The following POLR2H variants were observed in gnomAD, a reference collection of about 807,000 sequenced individuals.
POLR2H encodes the protein DNA-directed RNA polymerases I, II, and III subunit RPABC3.
POLR2H carries 3 observed loss-of-function variants against 18.1 expected under a neutral mutation model. The observed-to-expected ratio is 0.17, with a 90% CI of 0.08 to 0.43. The LOEUF (loss-of-function observed/expected upper bound fraction) is 0.43. Among genes scored for constraint, POLR2H ranks in the 20% least tolerant of loss-of-function variants. POLR2H has a pLI of 0.99. For synonymous variants in POLR2H, 76 were observed against 69.0 expected, an observed-to-expected ratio of 1.10 and a Z score of -0.50; for missense variants, 103 against 184.6, an observed-to-expected ratio of 0.56 and a Z score of 2.56.
rs771715078 is a variant in POLR2H at position 184,363,259 on chromosome 3, G to T, written c.-234G>T. Reference sequence around the variant, plus strand: ...GGACATGAGACCCGCCCTCAATGCCGAAGCCTCTCGGAAGCAATCTTTCGG... The same window carrying T: ...GGACATGAGACCCGCCCTCAATGCCTAAGCCTCTCGGAAGCAATCTTTCGG... On this transcript the variant is annotated 5_prime_UTR_variant, in exon 2 of 6. An upstream open reading frame in the 5' UTR gains an earlier in-frame stop. Transcript: ENST00000456318. The T allele has an allele frequency of 1.0e-5, 6 of 582,008 alleles. No homozygotes were observed. Among genetic ancestry groups the T allele is most frequent in the Non-Finnish European group, 1.9e-5 (6 of 321,186 alleles). The allele number at this position is 582,008 out of a possible 1,614,324, so 36.1% of individuals were successfully genotyped here. A position where few individuals can be genotyped will look rare whatever the true frequency, so the allele number is the denominator to read the frequency against.
chr3:184,368,138 C>T, intron 5 of POLR2H, 39 bp from the exon 6 acceptor site: 1 of 1,613,732 alleles, frequency 6.2e-7, no homozygotes, highest in Non-Finnish European at 8.5e-7. Context: ...TGCTGAGTGG[C>T]AGTGCTCCAG....
chr3:184,363,766 C>T (rs1016180790), intron 2 of POLR2H, among the ~76,000 whole-genome samples: 2 of 152,210 alleles, frequency 1.3e-5, no homozygotes, highest in African/African-American at 2.4e-5. Context: ...TGCCCGGTGC[C>T]TGGGTGGCCT....
chr3:184,364,289 G>A (rs940437796), intron 2 of POLR2H, among the ~76,000 whole-genome samples: 1 of 151,774 alleles, frequency 6.6e-6, no homozygotes, highest in Non-Finnish European at 1.5e-5. Context: ...GAGTGTAGTG[G>A]CACGATTTTA....
chr3:184,365,455 G>A (rs1713066683), intron 4 of POLR2H: 1 of 552,300 alleles, frequency 1.8e-6, no homozygotes, highest in African/African-American at 1.9e-5. Context: ...GAGTCCAGGA[G>A]TTCAAGACCA....
chr3:184,363,602 G>A, intron 2 of POLR2H, 37 bp downstream of exon 2: 1 of 1,555,806 alleles, frequency 6.4e-7, no homozygotes, highest in Non-Finnish European at 8.9e-7. Context: ...GGAGGAAGAG[G>A]CTAACCTCGC....
chr3:184,367,780 G>A (rs1035195326), intron 5 of POLR2H, among the ~76,000 whole-genome samples: 2 of 152,044 alleles, frequency 1.3e-5, no homozygotes, highest in Non-Finnish European at 2.9e-5. Context: ...GTGAGCCACC[G>A]TGCCCGGCCG....
intron 4 of POLR2H, 103 bp downstream of exon 4, chr3:184,365,329 G>A (rs1462589521): frequency 1.2e-6 from 1 of 834,216 alleles, no homozygotes; most frequent in Admixed American, 1.8e-5. Context: ...ATGATGATCA[G>A]CAGAATCTGA....
At position 184,363,224 on chromosome 3, in the gene POLR2H, A is replaced by C; in HGVS notation, c.-269A>C. The C allele has an allele frequency of 1.9e-6, 1 of 527,984 alleles. No homozygotes were observed. The highest frequency in any genetic ancestry group is 3.4e-6 in the Non-Finnish European group (1 of 290,024). The allele number at this position is 527,984 out of a possible 1,614,324, so 32.7% of individuals were successfully genotyped here. On this transcript the variant is annotated 5_prime_UTR_variant, in exon 2 of 6. Coordinates refer to ENST00000456318, the MANE Select transcript of POLR2H (RefSeq NM_006232.5). ...AGCCTATTGCTTCCCCGCCCTGGGCAGAGCCACCTGGACATGAGACCCGCC... is the reference window on the plus strand; with the variant it reads ...AGCCTATTGCTTCCCCGCCCTGGGCCGAGCCACCTGGACATGAGACCCGCC...
rs367717433 is a variant in POLR2H, at chr3:184,363,181, C to G, written c.-312C>G. On this transcript the variant is annotated 5_prime_UTR_variant, in exon 2 of 6. Transcript: ENST00000456318. The stretch of plus-strand genomic sequence containing the variant: ...AGGGCGCAGTAGGGCCCCAGCGGAG[C>G]GCGAGAACCCGCTCTACAGCCTATT... 1 of 430,628 alleles carries G rather than the reference C, an allele frequency of 2.3e-6. No individual in the cohort carries two copies. The allele number at this position is 430,628 out of a possible 1,614,324, so 26.7% of individuals were successfully genotyped here.
At chr3:184,364,348 C>G (rs2108596633) in intron 2 of POLR2H, 1 of 152,300 alleles carries the variant, frequency 6.6e-6, no homozygotes, top group South Asian at 2.1e-4. Flanking sequence ...TCTGCCTCAA[C>G]CTCCCAAGTA....
chr3:184,368,141 T>G (rs760927613), intron 5 of POLR2H, 36 bp from the exon 6 acceptor site: 40 of 1,613,642 alleles, frequency 2.5e-5, no homozygotes, highest in Admixed American at 1.8e-4. Flanking sequence ...TGAGTGGCAG[T>G]GCTCCAGAAT....
intron 4 of POLR2H, among the ~76,000 whole-genome samples, chr3:184,365,846 G>A (rs1447153451): frequency 2.7e-5 from 4 of 149,188 alleles, no homozygotes; most frequent in African/African-American, 9.8e-5. Context: ...CGTAGTGGCG[G>A]GCGCCTGTAG....
In POLR2H at chr3:184,363,288, G is replaced by A. The variant is rs1428484051; in HGVS notation, c.-205G>A. Reference sequence around the variant, plus strand: ...CCTCTCGGAAGCAATCTTTCGGGACGGAAGTTAAGTAGCCCCGAGCGGGAG... The same window carrying A: ...CCTCTCGGAAGCAATCTTTCGGGACAGAAGTTAAGTAGCCCCGAGCGGGAG... On this transcript the variant is annotated 5_prime_UTR_variant, in exon 2 of 6. Transcript: ENST00000456318. 2 of 610,798 alleles carry A rather than the reference G, an allele frequency of 3.3e-6. No homozygotes were observed. The highest frequency in any genetic ancestry group is 5.9e-6 in the Non-Finnish European group (2 of 338,512). 37.8% of individuals were successfully genotyped at this position (610,798 alleles called of 1,614,324 possible). A position where few individuals can be genotyped will look rare whatever the true frequency, so the allele number is the denominator to read the frequency against.
intron 2 of POLR2H, among the ~76,000 whole-genome samples, chr3:184,364,168 A>C (rs137947759): frequency 1.2e-3 from 181 of 152,168 alleles, no homozygotes; most frequent in African/African-American, 4.2e-3. Flanking sequence ...ATATTCTTGT[A>C]TTGCCCTCAG....
intron 2 of POLR2H, among the ~76,000 whole-genome samples, chr3:184,363,979 A>T (rs1401837939): frequency 1.3e-5 from 2 of 152,106 alleles, no homozygotes; most frequent in East Asian, 3.9e-4. Flanking sequence ...TGAACCTGGG[A>T]GGCGGAGGTT....
chr3:184,363,551 A>G lies in POLR2H; in HGVS notation c.59A>G (p.Lys20Arg), dbSNP rs1344317506. ...FDVKDIDPEG[K>R]KFDRVSRLHC... ...GTGAAGGATATTGACCCGGAGGGCA[A>G]GAAGTTTGACCGAGGTAAGTAAGGT... Residue 20 changes from lysine (K) to arginine (R), a missense_variant, in exon 2 of 6, where the codon AAG (lysine) becomes AGG (arginine). Coordinates refer to ENST00000456318, the MANE Select transcript of POLR2H (RefSeq NM_006232.5). 3.1e-6 allele frequency: 5 copies of G among 1,614,080 alleles called. No homozygotes were observed. Among genetic ancestry groups the G allele is most frequent in the Non-Finnish European group, 2.5e-6 (3 of 1,179,944 alleles).
intron 5 of POLR2H, among the ~76,000 whole-genome samples, chr3:184,367,483 TTTTCTTTTC>T (rs989987332): frequency 2.1e-5 from 3 of 144,370 alleles, no homozygotes; most frequent in African/African-American, 5.0e-5. Flanking sequence ...TTTTCTTTTC[TTTTCTTTTC>T]TTTTTTTTTT....
Position 184,363,166 on chromosome 3 carries a change from A to C in POLR2H, c.-327A>C. 26 of 381,950 alleles carry C rather than the reference A, an allele frequency of 6.8e-5. No individual in the cohort carries two copies. Among genetic ancestry groups the C allele is most frequent in the East Asian group, 1.4e-4 (2 of 14,402 alleles). 23.7% of individuals were successfully genotyped at this position (381,950 alleles called of 1,614,324 possible). A position where few individuals can be genotyped will look rare whatever the true frequency, so the allele number is the denominator to read the frequency against. On this transcript the variant is annotated 5_prime_UTR_variant, in exon 2 of 6. An upstream open reading frame in the 5' UTR loses its in-frame stop. Coordinates refer to ENST00000456318, the MANE Select transcript of POLR2H (RefSeq NM_006232.5). ...ACCCGGCCTCTGAAGAGGGCGCAGT[A>C]GGGCCCCAGCGGAGCGCGAGAACCC...
intron 4 of POLR2H, chr3:184,365,437 G>C: frequency 1.7e-6 from 1 of 582,162 alleles, no homozygotes; most frequent in Non-Finnish European, 3.1e-6. Flanking sequence ...GAGGCAGGAG[G>C]ATTGCTTGAG....
Sources: allele counts gnomAD v4.1 joint callset (sites outside exome capture counted in the v4.1 genomes callset), GRCh38; gene constraint gnomAD v4.1.1; transcripts MANE v1.5; gene names NCBI Gene and HGNC (gene_info 2026-07-23, HGNC 2026-07-21).